Variants in ARHGAP35 observed in about 807,000 individuals in gnomAD.
The protein encoded by ARHGAP35 is Rho GTPase activating protein 35, also known as rho GTPase-activating protein 35.
Under a neutral mutation model 111.1 loss-of-function variants are expected in ARHGAP35, and 15 were observed. The observed-to-expected ratio is 0.13, with a 90% CI of 0.09 to 0.21. The LOEUF (loss-of-function observed/expected upper bound fraction) is 0.21. Among genes scored for constraint, ARHGAP35 ranks in the 10% least tolerant of loss-of-function variants. The pLI is 1.00. For synonymous variants in ARHGAP35, 643 were observed against 710.3 expected (o/e 0.91, Z 1.51); for missense variants, 1,262 against 1,873.0 (o/e 0.67, Z 6.02).
At chr19:46,948,244 T>C (rs544230575) in intron 3 of ARHGAP35, 1 of 152,296 alleles carries the variant, frequency 6.6e-6, no homozygotes. Flanking sequence ...AACAAAAAAC[T>C]ATAACAAGGG....
chr19:46,884,970 G>A (rs2055986164), intron 1 of ARHGAP35, among the ~76,000 whole-genome samples: 1 of 152,096 alleles, frequency 6.6e-6, no homozygotes, highest in Admixed American at 6.6e-5. Flanking sequence ...TTCCTGCCTT[G>A]ACCTCCCAAC....
Position 46,992,929 on chromosome 19 carries a change from G to T in ARHGAP35, c.4036+3254G>T, listed in dbSNP as rs2056686871. Among the ~76,000 whole-genome samples the T allele has an allele frequency of 6.6e-6, 1 of 152,202 alleles. No individual in the cohort carries two copies. The highest frequency in any genetic ancestry group is 2.1e-4 in the South Asian group (1 of 4,820). The stretch of plus-strand genomic sequence containing the variant: ...GGCTCTTGTTCACCAGCTGCCTTGG[G>T]ACGTTACTGGTTCTGGGATCCTGCC... On this transcript the variant is annotated intron_variant, in intron 5 of 6. Transcript: ENST00000672722. This position sits in a 1 kb window ranked among gnomAD's most constrained non-coding sequence, Gnocchi z 4.4.
At chr19:46,888,986 C>T (rs1224512018) in intron 1 of ARHGAP35, among the ~76,000 whole-genome samples, 1 of 149,802 alleles carries the variant, frequency 6.7e-6, no homozygotes, top group African/African-American at 2.5e-5. Context: ...GGTGGCAGAG[C>T]GAGACTCCGT....
At position 46,921,851 on chromosome 19, in the gene ARHGAP35, T is replaced by C. The variant is rs770808622; in HGVS notation, c.3176T>C (p.Leu1059Ser). The part of the protein sequence containing the change: ...FEITKGDLSY[L>S]DQGHRDGQRK... ...ATTACAAAGGGGGATCTATCTTATT[T>C]AGACCAAGGCCATAGGGATGGACAG... is the stretch of plus-strand genomic sequence containing the variant. The change falls in exon 2 of 7, where the codon TTA becomes TCA. Residue 1059 changes from leucine (L) to serine (S), a missense_variant. Around this residue, in one of 8 missense-constraint regions of ARHGAP35, gnomAD observed 579 missense variants for 716.9 expected, o/e 0.81. Coordinates refer to ENST00000672722, the MANE Select transcript of ARHGAP35 (RefSeq NM_004491.5). The surrounding 1 kb of genome is among the most constrained non-coding windows in gnomAD (Gnocchi z 4.3). The C allele has an allele frequency of 2.5e-6, 4 of 1,613,918 alleles. No individual in the cohort carries two copies. The highest frequency in any genetic ancestry group is 2.7e-5 in the African/African-American group (2 of 74,940).
chr19:46,949,980 A>T (rs2056402764), intron 3 of ARHGAP35, among the ~76,000 whole-genome samples: 1 of 152,156 alleles, frequency 6.6e-6, no homozygotes, highest in Non-Finnish European at 1.5e-5. Flanking sequence ...TATAACACAC[A>T]CTAAGAAAAG....
chr19:46,933,157 T>TTTTC (rs2056282964), intron 2 of ARHGAP35, among the ~76,000 whole-genome samples: 1 of 148,900 alleles, frequency 6.7e-6, no homozygotes, highest in Non-Finnish European at 1.5e-5. Context: ...TTTTTTTTTT[T>TTTTC]TTCCGAGACA....
At chr19:46,872,118 G>A (rs898845684) in intron 1 of ARHGAP35, among the ~76,000 whole-genome samples, 7 of 152,108 alleles carry the variant, frequency 4.6e-5, no homozygotes, top group Admixed American at 2.6e-4. Flanking sequence ...TTTAACCTTA[G>A]GGGAATGGTT....
At chr19:46,909,498 G>A (rs955341239) in intron 1 of ARHGAP35, among the ~76,000 whole-genome samples, 6 of 152,134 alleles carry the variant, frequency 3.9e-5, no homozygotes, top group Non-Finnish European at 5.9e-5. Flanking sequence ...ATGAGACGAC[G>A]TGTTTCAAGA....
rs2056737553 is a variant in ARHGAP35, at chr19:47,000,063, CCT to C, written c.4143-267_4143-266del. On this transcript the variant is annotated intron_variant, in intron 6 of 6. Coordinates refer to ENST00000672722, the MANE Select transcript of ARHGAP35 (RefSeq NM_004491.5). The surrounding 1 kb of genome is among the most constrained non-coding windows in gnomAD (Gnocchi z 6.9). ...GCTTTGGCTGGCTGCAGAGTGAGTC[CCT>C]GAGGTGGTCCATCCACCCCCAGGGG... is the stretch of plus-strand genomic sequence containing the variant. 1.3e-5 allele frequency among the ~76,000 whole-genome samples: 2 copies of C among 152,172 alleles called. No individual in the cohort carries two copies. Among genetic ancestry groups the C allele is most frequent in the African/African-American group, 4.8e-5 (2 of 41,434 alleles).
chr19:46,998,056 C>T (rs1316170727), intron 5 of ARHGAP35, among the ~76,000 whole-genome samples: 3 of 151,738 alleles, frequency 2.0e-5, no homozygotes, highest in Non-Finnish European at 1.5e-5. Context: ...GAGCCGACAT[C>T]GCACCACTGC....
At chr19:46,980,711 T>G (rs2056616167) in intron 3 of ARHGAP35, among the ~76,000 whole-genome samples, 2 of 152,230 alleles carry the variant, frequency 1.3e-5, no homozygotes, top group South Asian at 4.1e-4. Flanking sequence ...GGACTGTGCA[T>G]AGACGATCTC....
chr19:46,919,992 C>T lies in ARHGAP35; in HGVS notation c.1317C>T (p.Asn439=), dbSNP rs2056188658. The change falls in exon 2 of 7, where the codon AAC becomes AAT. Residue 439 remains asparagine, a synonymous_variant. Transcript: ENST00000672722. This position sits in a 1 kb window ranked among gnomAD's most constrained non-coding sequence, Gnocchi z 6.2. ...AGATGCGAAGGGCGTTTAAAGAAAA[C>T]CTGGAGACTTCTCCTTTCATAACTC... is the stretch of plus-strand genomic sequence containing the variant. ...RVEMRRAFKE[N]LETSPFITPG... 2 of 1,613,794 alleles carry T rather than the reference C, an allele frequency of 1.2e-6. No homozygotes were observed. The highest frequency in any genetic ancestry group is 1.7e-6 in the Non-Finnish European group (2 of 1,179,900).
At chr19:46,946,346 T>C (rs1265207667) in intron 3 of ARHGAP35, among the ~76,000 whole-genome samples, 2 of 152,118 alleles carry the variant, frequency 1.3e-5, no homozygotes, top group Non-Finnish European at 2.9e-5. Context: ...GGGGAGGACC[T>C]CAGTGTCAGT....
chr19:47,001,700 C>A lies in ARHGAP35; in HGVS notation c.*1012C>A, dbSNP rs557283541. On this transcript the variant is annotated 3_prime_UTR_variant, in exon 7 of 7. Coordinates refer to ENST00000672722, the MANE Select transcript of ARHGAP35 (RefSeq NM_004491.5). The surrounding 1 kb of genome is among the most constrained non-coding windows in gnomAD (Gnocchi z 5.4). The stretch of plus-strand genomic sequence containing the variant: ...GGCTGCCCCAGAACACAGTCCATTA[C>A]GATAGAAACACTAATTGAGCATGTG... The A allele has an allele frequency of 2.7e-5, 9 of 335,634 alleles. No homozygotes were observed. The highest frequency in any genetic ancestry group is 4.7e-5 in the Non-Finnish European group (8 of 171,188). The allele number at this position is 335,634 out of a possible 1,614,324, so 20.8% of individuals were successfully genotyped here. A position where few individuals can be genotyped will look rare whatever the true frequency, so the allele number is the denominator to read the frequency against.
intron 3 of ARHGAP35, among the ~76,000 whole-genome samples, chr19:46,954,371 C>G (rs2056428238): frequency 6.6e-6 from 1 of 152,216 alleles, no homozygotes; most frequent in Admixed American, 6.5e-5. Context: ...AGTCCTCCAT[C>G]AGGGATCTTT....
intron 3 of ARHGAP35, among the ~76,000 whole-genome samples, chr19:46,983,568 T>C (rs1191218783): frequency 6.6e-6 from 1 of 151,682 alleles, no homozygotes; most frequent in Non-Finnish European, 1.5e-5. Context: ...TTAATAGTTA[T>C]ATATTGAGAG....
At chr19:46,938,658 T>C (rs1411254452) in intron 3 of ARHGAP35, among the ~76,000 whole-genome samples, 1 of 145,976 alleles carries the variant, frequency 6.9e-6, no homozygotes, top group Non-Finnish European at 1.5e-5. Flanking sequence ...CAGCCGAAGA[T>C]AGCATTTTTT....
chr19:46,866,858 A>G (rs373468050), intron 1 of ARHGAP35, among the ~76,000 whole-genome samples: 48 of 152,352 alleles, frequency 3.2e-4, no homozygotes, highest in African/African-American at 1.1e-3. Flanking sequence ...TTAGCTACAT[A>G]ACTAAAACCA....
chr19:46,909,909 G>A (rs1437122312), intron 1 of ARHGAP35, among the ~76,000 whole-genome samples: 3 of 152,176 alleles, frequency 2.0e-5, no homozygotes, highest in Admixed American at 2.0e-4. Flanking sequence ...AGCCCCCTGA[G>A]TAGCTGGGAC....
Sources: gnomAD v4.1 joint callset for allele counts (sites outside exome capture counted in the v4.1 genomes callset) on GRCh38, gnomAD v4.1.1 for gene constraint, gnomAD v4.1.1 regional missense constraint, Gnocchi (gnomAD v3.1) non-coding constraint, MANE v1.5 for transcripts, NCBI Gene and HGNC (gene_info 2026-07-23, HGNC 2026-07-21) for gene names.